CSF3R: variants seen among roughly 807,000 people sequenced by gnomAD.
CSF3R encodes the protein colony stimulating factor 3 receptor, also known as granulocyte colony-stimulating factor receptor.
CSF3R carries 52 observed loss-of-function variants against 84.4 expected under a neutral mutation model. The observed-to-expected ratio is 0.62, with a 90% CI of 0.49 to 0.78. The LOEUF is 0.78. CSF3R is among the 30% of genes least tolerant of loss of function. The pLI is 0.00. For missense variants in CSF3R, 890 were observed against 1,055.7 expected (o/e 0.84, Z 2.17); for synonymous variants, 384 against 429.1 (o/e 0.89, Z 1.30).
At position 36,467,613 on chromosome 1, in the gene CSF3R, G is replaced by A. The variant is rs1353417561; in HGVS notation, c.1903C>T (p.Leu635Phe). 1 of 1,614,206 alleles carries A rather than the reference G, an allele frequency of 6.2e-7. No homozygotes were observed. The highest frequency in any genetic ancestry group is 8.5e-7 in the Non-Finnish European group (1 of 1,180,040). Residue 635 changes from leucine (L) to phenylalanine (F), a missense_variant, in exon 15 of 17, where the codon CTC becomes TTC. Transcript: ENST00000373106. This position sits in a 1 kb window ranked among gnomAD's most constrained non-coding sequence, Gnocchi z 4.1. ...ELHIILGLFG[L>F]LLLLTCLCGT... ...CAGAGGCAGGTGAGCAACAGCAGGAGGCCGAACAGGCCCAGGATGATGTGT... is the reference window on the plus strand; with the variant it reads ...CAGAGGCAGGTGAGCAACAGCAGGAAGCCGAACAGGCCCAGGATGATGTGT...
rs1312511222 is a variant in CSF3R, at chr1:36,469,574, G to C, written c.1474+78C>G. 4 of 1,540,614 alleles carry C rather than the reference G, an allele frequency of 2.6e-6. No homozygotes were observed. In the Admixed American group the frequency reaches 6.7e-5, roughly 26 times the overall value. Reference sequence around the variant, plus strand: ...AATCCATGTCTCTTGGGCAGTTCAGGTTGTCCCATGCCTATTGTCAGATAA... The same window carrying C: ...AATCCATGTCTCTTGGGCAGTTCAGCTTGTCCCATGCCTATTGTCAGATAA... On this transcript the variant is annotated intron_variant, in intron 11 of 16. Transcript: ENST00000373106.
intron 3 of CSF3R, chr1:36,476,366 C>G (rs1266984095): frequency 6.6e-6 from 1 of 152,192 alleles, no homozygotes; most frequent in East Asian, 1.9e-4. Context: ...AAAAATCGTC[C>G]CTACCTTAGT....
At position 36,473,865 on chromosome 1, in the gene CSF3R, G is replaced by A; in HGVS notation, c.384C>T (p.Asn128=). Reference sequence around the variant, plus strand: ...TTGTGAGGTTCATGAGGCAGGAGAGGTTGTGGGGTATGGCTGGAGGGTCTG... The same window carrying A: ...TTGTGAGGTTCATGAGGCAGGAGAGATTGTGGGGTATGGCTGGAGGGTCTG... ...RAGYPPAIPH[N]LSCLMNLTTS... is the part of the protein sequence containing the mutation. Residue 128 remains asparagine, a synonymous_variant, in exon 5 of 17, where the codon AAC becomes AAT. Coordinates refer to ENST00000373106, the MANE Select transcript of CSF3R (RefSeq NM_000760.4). The A allele has an allele frequency of 6.2e-7, 1 of 1,614,232 alleles. No individual in the cohort carries two copies. The highest frequency in any genetic ancestry group is 1.7e-5 in the Admixed American group (1 of 60,028).
Position 36,468,107 on chromosome 1 carries a change from A to G in CSF3R, c.1691T>C (p.Ile564Thr), listed in dbSNP as rs1311675104. 3 of 1,614,176 alleles carry G rather than the reference A, an allele frequency of 1.9e-6. No homozygotes were observed. Residue 564 changes from isoleucine to threonine, a missense_variant, in exon 13 of 17, where the codon ATC becomes ACC. Ile to Thr is a moderately conservative substitution (Grantham distance 89). Coordinates refer to ENST00000373106, the MANE Select transcript of CSF3R (RefSeq NM_000760.4). ...CTGGTTCTGAGCGTTGGTCCAGAAG[A>G]TGGTGTAGTGGGTAAGGGGGCTCTT... Reference protein sequence around the residue: ...LGKSPLTHYTIFWTNAQNQSF... With the variant: ...LGKSPLTHYTTFWTNAQNQSF...
chr1:36,479,827 C>T (rs1350526972), intron 2 of CSF3R, among the ~76,000 whole-genome samples: 1 of 152,220 alleles, frequency 6.6e-6, no homozygotes, highest in Non-Finnish European at 1.5e-5. Context: ...GCCTTCCCAG[C>T]TATCTAAGCT....
intron 4 of CSF3R, among the ~76,000 whole-genome samples, chr1:36,474,743 AG>A (rs982407223): frequency 2.0e-5 from 3 of 152,190 alleles, no homozygotes; most frequent in Non-Finnish European, 4.4e-5. Context: ...CAGCTGGTAG[AG>A]GATGTTCTCC....
chr1:36,471,706 G>A (rs1650750429), intron 9 of CSF3R, 60 bp from the exon 10 acceptor site: 2 of 1,555,734 alleles, frequency 1.3e-6, no homozygotes, highest in African/African-American at 2.7e-5. Flanking sequence ...GTCAAGGAGA[G>A]CCTCTAGGTG....
Position 36,466,948 on chromosome 1 carries a change from A to G in CSF3R, c.2041-121T>C. The G allele has an allele frequency of 1.2e-6, 2 of 1,609,026 alleles. No homozygotes were observed. The highest frequency in any genetic ancestry group is 8.5e-7 in the Non-Finnish European group (1 of 1,177,850). On this transcript the variant is annotated intron_variant, in intron 16 of 16. Coordinates refer to ENST00000373106, the MANE Select transcript of CSF3R (RefSeq NM_000760.4). The surrounding 1 kb of genome is among the most constrained non-coding windows in gnomAD (Gnocchi z 4.6). ...AACTGTTGTTACTGGTGGAACACAAAGGGTACCACTTGCAAAGCACTAGTA... is the reference window on the plus strand; with the variant it reads ...AACTGTTGTTACTGGTGGAACACAAGGGGTACCACTTGCAAAGCACTAGTA...
At chr1:36,473,135 T>C in intron 6 of CSF3R, 1 of 443,578 alleles carries the variant, frequency 2.3e-6, no homozygotes, top group Non-Finnish European at 4.0e-6. Context: ...TGAGGGCATT[T>C]TTGATGCTTT....
chr1:36,476,634 TG>T (rs1255350135), intron 3 of CSF3R, among the ~76,000 whole-genome samples: 4 of 150,944 alleles, frequency 2.6e-5, no homozygotes, highest in African/African-American at 9.8e-5. Flanking sequence ...TTTTTTTTTT[TG>T]TTGTTGTTGT....
rs200965005 is a variant in CSF3R at position 36,471,603 on chromosome 1, A to T, written c.1115T>A (p.Val372Glu). 7.6e-5 allele frequency: 122 copies of T among 1,614,122 alleles called. No homozygotes were observed. The highest frequency in any genetic ancestry group is 1.0e-4 in the Non-Finnish European group (118 of 1,180,052). The change falls in exon 10 of 17, where the codon GTG (valine) becomes GAG (glutamate). Residue 372 changes from valine (V) to glutamate (E), a missense_variant. Coordinates refer to ENST00000373106, the MANE Select transcript of CSF3R (RefSeq NM_000760.4). The part of the protein sequence containing the change: ...EEDSGRIQGY[V>E]VSWRPSGQAG... ...CTGGCCTGAGGGTCTCCAAGAAACC[A>T]CATAACCTTGGATCCGTCCGCTGTC...
In CSF3R at chr1:36,472,080, G is replaced by T; in HGVS notation, c.1057C>A (p.Gln353Lys). ...GAGGGAGTCACCTTCCAGAACAGCT[G>T]CACTGTCCTGGGGTCCAGCTGCCTC... Reference protein sequence around the residue: ...RQRQLDPRTVQLFWKPVPLEE... With the variant: ...RQRQLDPRTVKLFWKPVPLEE... Residue 353 changes from glutamine (Q) to lysine (K), a missense_variant, in exon 9 of 17, where the codon CAG becomes AAG. Physicochemically the swap from Gln to Lys is moderately conservative, Grantham distance 53 (BLOSUM62 1). Transcript: ENST00000373106. The surrounding 1 kb of genome is among the most constrained non-coding windows in gnomAD (Gnocchi z 5.0). 3 of 1,613,518 alleles carry T rather than the reference G, an allele frequency of 1.9e-6. No homozygotes were observed. The highest frequency in any genetic ancestry group is 2.5e-6 in the Non-Finnish European group (3 of 1,180,008).
At position 36,472,384 on chromosome 1, in the gene CSF3R, G is replaced by A. The variant is rs1237845502; in HGVS notation, c.851C>T (p.Pro284Leu). 4 of 1,613,894 alleles carry A rather than the reference G, an allele frequency of 2.5e-6. No individual in the cohort carries two copies. In the African/African-American group the frequency reaches 5.3e-5, roughly 22 times the overall value. ...RGEASWALVG[P>L]LPLEALQYEL... ...ATACTGAAGGGCCTCCAAGGGGAGG[G>A]GGCCCACCTGGTGAGGGGTGGACAG... Residue 284 changes from proline to leucine, a missense_variant, in exon 8 of 17, where the codon CCC becomes CTC. Pro to Leu is a moderately conservative substitution (Grantham distance 98). Transcript: ENST00000373106. This position sits in a 1 kb window ranked among gnomAD's most constrained non-coding sequence, Gnocchi z 5.0.
chr1:36,475,793 T>G, intron 3 of CSF3R, 120 bp from the exon 4 acceptor site: 1 of 1,016,410 alleles, frequency 9.8e-7, no homozygotes. Flanking sequence ...CTTCAAGATA[T>G]GGGGGCTGGA....
Position 36,472,442 on chromosome 1 carries a change from G to C in CSF3R, c.844-51C>G, listed in dbSNP as rs772939894. The C allele has an allele frequency of 1.4e-4, 222 of 1,613,730 alleles. No homozygotes were observed. Among genetic ancestry groups the C allele is most frequent in the Non-Finnish European group, 1.8e-4 (209 of 1,179,950 alleles). ...AGCCTTGGATCGCTGGGCCATTCTAGGGCCAGCTCGAGCCCGACTTACCCT... is the reference window on the plus strand; with the variant it reads ...AGCCTTGGATCGCTGGGCCATTCTACGGCCAGCTCGAGCCCGACTTACCCT... On this transcript the variant is annotated intron_variant, in intron 7 of 16. Transcript: ENST00000373106. This position sits in a 1 kb window ranked among gnomAD's most constrained non-coding sequence, Gnocchi z 5.0.
chr1:36,471,685 G>C lies in CSF3R; in HGVS notation c.1072-39C>G, dbSNP rs200951474. On this transcript the variant is annotated intron_variant, in intron 9 of 16. Coordinates refer to ENST00000373106, the MANE Select transcript of CSF3R (RefSeq NM_000760.4). ...GAGGAAAAAGAGAAGGGGATGTGCA[G>C]CTCATCTTGAGTCAAGGAGAGCCTC... 126 of 1,602,698 alleles carry C rather than the reference G, an allele frequency of 7.9e-5. No individual in the cohort carries two copies. The East Asian group carries it at 2.2e-3, about 28-fold the overall frequency.
In CSF3R at chr1:36,472,062, T is replaced by G. The variant is rs1650783581; in HGVS notation, c.1071+4A>C. The G allele has an allele frequency of 6.2e-7, 1 of 1,612,880 alleles. No homozygotes were observed. Among genetic ancestry groups the G allele is most frequent in the Non-Finnish European group, 8.5e-7 (1 of 1,179,896 alleles). Reference sequence around the variant, plus strand: ...GTGGAGGGATGGCCTTCAGAGGGAGTCACCTTCCAGAACAGCTGCACTGTC... The same window carrying G: ...GTGGAGGGATGGCCTTCAGAGGGAGGCACCTTCCAGAACAGCTGCACTGTC... On this transcript the variant is annotated splice_donor_region_variant and intron_variant, in intron 9 of 16. Coordinates refer to ENST00000373106, the MANE Select transcript of CSF3R (RefSeq NM_000760.4). The surrounding 1 kb of genome is among the most constrained non-coding windows in gnomAD (Gnocchi z 5.0).
At position 36,469,749 on chromosome 1, in the gene CSF3R, A is replaced by G. The variant is rs367641463; in HGVS notation, c.1377T>C (p.Tyr459=). The change falls in exon 11 of 17, where the codon TAT becomes TAC. Residue 459 remains tyrosine (Y), a synonymous_variant. Coordinates refer to ENST00000373106, the MANE Select transcript of CSF3R (RefSeq NM_000760.4). ...WEPPNPWPQG[Y]VIEWGLGPPS... is the part of the protein sequence containing the mutation. ...GGGGGCCCAGGCCCCACTCAATCAC[A>G]TAGCCCTGAGGCCATGGATTGGGGG... is the stretch of plus-strand genomic sequence containing the variant. The G allele has an allele frequency of 2.4e-5, 39 of 1,614,112 alleles. 1 individual carries two copies. In the African/African-American group the frequency reaches 2.9e-4, roughly 12 times the overall value.
At chr1:36,468,387 C>A in intron 12 of CSF3R, 166 bp from the exon 13 acceptor site, 1 of 669,000 alleles carries the variant, frequency 1.5e-6, no homozygotes, top group Non-Finnish European at 2.4e-6. Context: ...ATTCCATCTA[C>A]TGCTAATAAG....
Sources: gnomAD v4.1 joint callset for allele counts (sites outside exome capture counted in the v4.1 genomes callset) on GRCh38, gnomAD v4.1.1 for gene constraint, Gnocchi (gnomAD v3.1) non-coding constraint, MANE v1.5 for transcripts, NCBI Gene and HGNC (gene_info 2026-07-23, HGNC 2026-07-21) for gene names.